CNTN4: variants seen among roughly 807,000 people sequenced by gnomAD.
CNTN4 encodes contactin 4.
Under a neutral mutation model 122.5 loss-of-function variants are expected in CNTN4, and 77 were observed. The observed-to-expected ratio is 0.63, with a 90% CI of 0.52 to 0.76. CNTN4 has a LOEUF of 0.76. CNTN4 is among the 30% of genes least tolerant of loss of function. The probability of loss-of-function intolerance (pLI) is 0.00; values close to 1 mark genes in which losing one functional copy is unlikely to be tolerated. For missense variants in CNTN4, 1,256 were observed against 1,259.1 expected, an observed-to-expected ratio of 1.00 and a Z score of 0.04; for synonymous variants, 512 against 447.0, an observed-to-expected ratio of 1.15 and a Z score of -1.83.
At chr3:2,673,071 A>T (rs2084628543) in intron 4 of CNTN4, among the ~76,000 whole-genome samples, 1 of 152,198 alleles carries the variant, frequency 6.6e-6, no homozygotes, top group Non-Finnish European at 1.5e-5. Context: ...TTTTGCAAAG[A>T]TTTGTTTTTC....
chr3:2,647,420 G>C lies in CNTN4; in HGVS notation c.55+75862G>C, dbSNP rs1005575191. On this transcript the variant is annotated intron_variant, in intron 4 of 24. Coordinates refer to ENST00000418658, the MANE Select transcript of CNTN4 (RefSeq NM_175607.3). ...AAATAAATAAATAAATAAATAAATA[G>C]CATAAGTAACCTATGCCTTATCTCA... Among the ~76,000 whole-genome samples the C allele has an allele frequency of 2.1e-5, 3 of 142,446 alleles. No homozygotes were observed. The East Asian group carries it at 6.3e-4, about 30-fold the overall frequency. The allele number at this position is 142,446 out of a possible 152,430, so 93.5% of individuals were successfully genotyped here. A position where few individuals can be genotyped will look rare whatever the true frequency, so the allele number is the denominator to read the frequency against.
chr3:2,507,926 C>G (rs1423539724), intron 3 of CNTN4, among the ~76,000 whole-genome samples: 1 of 152,024 alleles, frequency 6.6e-6, no homozygotes, highest in African/African-American at 2.4e-5. Flanking sequence ...ATAGTGACTA[C>G]AAATTTCTGA....
intron 3 of CNTN4, among the ~76,000 whole-genome samples, chr3:2,494,698 C>T (rs1298960045): frequency 3.3e-5 from 5 of 152,118 alleles, no homozygotes; most frequent in African/African-American, 1.2e-4. Context: ...CAAAATATGT[C>T]AAAGAAATAT....
intron 3 of CNTN4, among the ~76,000 whole-genome samples, chr3:2,445,429 A>C (rs893082623): frequency 6.6e-6 from 1 of 152,228 alleles, no homozygotes; most frequent in African/African-American, 2.4e-5. Flanking sequence ...AGGTGGAACC[A>C]AGGATGTCAT....
intron 4 of CNTN4, among the ~76,000 whole-genome samples, chr3:2,722,868 A>C (rs537266704): frequency 1.3e-5 from 2 of 152,336 alleles, no homozygotes; most frequent in South Asian, 4.1e-4. Flanking sequence ...TTAGGACAGA[A>C]TATCCCTTCT....
At chr3:2,790,786 C>T (rs2091984513) in intron 6 of CNTN4, among the ~76,000 whole-genome samples, 1 of 152,118 alleles carries the variant, frequency 6.6e-6, no homozygotes, top group African/African-American at 2.4e-5. Flanking sequence ...TTGTGCATTT[C>T]CTTGACTTGC....
At chr3:2,932,570 G>A (rs180744331) in intron 13 of CNTN4, among the ~76,000 whole-genome samples, 253 of 152,050 alleles carry the variant, frequency 1.7e-3, no homozygotes, top group African/African-American at 5.6e-3. Flanking sequence ...TGGTCCCTTC[G>A]CTCCATCTTC....
chr3:2,205,988 A>C (rs2038324052), intron 2 of CNTN4, among the ~76,000 whole-genome samples: 1 of 152,022 alleles, frequency 6.6e-6, no homozygotes, highest in African/African-American at 2.4e-5. Flanking sequence ...GGTGGCAAAT[A>C]CTCGGAAGGG....
At chr3:2,816,067 CAAT>C (rs2092719873) in intron 6 of CNTN4, among the ~76,000 whole-genome samples, 1 of 151,682 alleles carries the variant, frequency 6.6e-6, no homozygotes, top group Non-Finnish European at 1.5e-5. Context: ...AAAAATGATA[CAAT>C]GAGGCCGGAT....
At chr3:2,101,405 T>G (rs966403271) in intron 2 of CNTN4, among the ~76,000 whole-genome samples, 2 of 152,244 alleles carry the variant, frequency 1.3e-5, no homozygotes, top group South Asian at 4.1e-4. Context: ...GTTTCTTCTT[T>G]GTTATATTTG....
intron 3 of CNTN4, among the ~76,000 whole-genome samples, chr3:2,356,863 C>A (rs767587413): frequency 6.6e-6 from 1 of 152,160 alleles, no homozygotes; most frequent in East Asian, 1.9e-4. Context: ...TGGCTTTGGC[C>A]TTCTTTGGAA....
intron 4 of CNTN4, among the ~76,000 whole-genome samples, chr3:2,675,172 C>G (rs1343235402): frequency 6.6e-6 from 1 of 151,808 alleles, no homozygotes; most frequent in South Asian, 2.1e-4. Context: ...TGAAAAACAC[C>G]CATATTTTTT....
At chr3:2,362,625 G>C (rs1372648140) in intron 3 of CNTN4, 2 of 462,532 alleles carry the variant, frequency 4.3e-6, no homozygotes, top group Non-Finnish European at 4.2e-6. Flanking sequence ...AGCAAGGGCT[G>C]AGGGCCTAGG....
At chr3:3,005,142 G>T (rs1240401953) in intron 14 of CNTN4, among the ~76,000 whole-genome samples, 1 of 152,184 alleles carries the variant, frequency 6.6e-6, no homozygotes, top group Non-Finnish European at 1.5e-5. Context: ...TAAATTGGAA[G>T]TTTTCCTGCT....
chr3:2,645,981 T>C (rs1371526679), intron 4 of CNTN4, among the ~76,000 whole-genome samples: 1 of 152,230 alleles, frequency 6.6e-6, no homozygotes, highest in Non-Finnish European at 1.5e-5. Context: ...TGGGAATATA[T>C]ATACTGTAGA....
chr3:2,258,193 C>T (rs1328924902), intron 2 of CNTN4, among the ~76,000 whole-genome samples: 1 of 152,136 alleles, frequency 6.6e-6, no homozygotes, highest in Non-Finnish European at 1.5e-5. Context: ...GGCAATTCCT[C>T]AAGGATCTAG....
chr3:2,828,907 A>C (rs1170929136), intron 7 of CNTN4, among the ~76,000 whole-genome samples: 1 of 151,854 alleles, frequency 6.6e-6, no homozygotes, highest in African/African-American at 2.4e-5. Flanking sequence ...CAGGCTAATT[A>C]TTTTATTTTT....
At chr3:2,793,258 T>G (rs973376835) in intron 6 of CNTN4, among the ~76,000 whole-genome samples, 2 of 152,060 alleles carry the variant, frequency 1.3e-5, no homozygotes, top group African/African-American at 4.8e-5. Context: ...TCCAAAGCTA[T>G]ATGAAGGCTG....
intron 6 of CNTN4, among the ~76,000 whole-genome samples, chr3:2,807,239 A>C (rs917233018): frequency 1.3e-5 from 2 of 152,238 alleles, no homozygotes; most frequent in African/African-American, 4.8e-5. Context: ...GGTTTAACAC[A>C]CGGCAGCCTT....
Sources: gnomAD v4.1 joint callset for allele counts (sites outside exome capture counted in the v4.1 genomes callset) on GRCh38, gnomAD v4.1.1 for gene constraint, MANE v1.5 for transcripts, NCBI Gene and HGNC (gene_info 2026-07-23, HGNC 2026-07-21) for gene names.